The following KLHL13 variants were observed in gnomAD, a reference collection of about 807,000 sequenced individuals.
KLHL13 encodes the protein kelch-like protein 13.
In KLHL13, 10 loss-of-function variants were observed where a neutral mutation model predicts 37.1. That is an observed-to-expected ratio of 0.27 (90% CI 0.17 to 0.46). The LOEUF (loss-of-function observed/expected upper bound fraction) is 0.46. Among genes scored for constraint, KLHL13 ranks in the 20% least tolerant of loss-of-function variants. The pLI is 1.00. For missense variants in KLHL13, 360 were observed against 509.3 expected (o/e 0.71, Z 2.82); for synonymous variants, 163 against 181.2 (o/e 0.90, Z 0.81).
intron 1 of KLHL13, among the ~76,000 whole-genome samples, chrX:117,955,804 G>GTTTATCCCTT (rs1451240698): frequency 9.0e-5 from 10 of 111,292 alleles, no homozygotes; most frequent in Admixed American, 8.6e-4. Flanking sequence ...TAAGACTTCA[G>GTTTATCCCTT]TTTATCCCTT....
chrX:118,036,837 C>T lies in KLHL13; in HGVS notation c.-56+79671G>A, dbSNP rs775063276. ...AAAAATGGGAGAAAATTTTCACAACCTACTCATCTGACAAAGGGCTAATAT... is the reference window on the plus strand; with the variant it reads ...AAAAATGGGAGAAAATTTTCACAACTTACTCATCTGACAAAGGGCTAATAT... On this transcript the variant is annotated intron_variant, in intron 1 of 6. Transcript: ENST00000371882. 4.6e-5 allele frequency among the ~76,000 whole-genome samples: 5 copies of T among 109,514 alleles called. No individual in the cohort carries two copies. The East Asian group carries it at 1.4e-3, about 31-fold the overall frequency.
chrX:117,922,602 G>A (rs896810319), intron 2 of KLHL13, among the ~76,000 whole-genome samples: 1 of 111,656 alleles, frequency 9.0e-6, no homozygotes, highest in Non-Finnish European at 1.9e-5. Context: ...AATAAAATGA[G>A]TTGTGCTTAA....
intron 1 of KLHL13, among the ~76,000 whole-genome samples, chrX:117,984,782 C>G (rs1204793647): frequency 1.8e-5 from 2 of 110,349 alleles, no homozygotes; most frequent in Non-Finnish European, 3.8e-5. Flanking sequence ...TATATTATTT[C>G]TTTGCTTTAA....
At chrX:118,035,252 A>G (rs2054422238) in intron 1 of KLHL13, among the ~76,000 whole-genome samples, 1 of 101,783 alleles carries the variant, frequency 9.8e-6, no homozygotes, top group African/African-American at 4.4e-5. Flanking sequence ...TGAGGCCAGC[A>G]TCATTATGAT....
At chrX:118,101,590 G>A (rs1471870878) in intron 1 of KLHL13, among the ~76,000 whole-genome samples, 1 of 111,567 alleles carries the variant, frequency 9.0e-6, no homozygotes, top group Non-Finnish European at 1.9e-5. Flanking sequence ...GAAACCTCAA[G>A]GACAAAAAGT....
At chrX:117,980,913 G>A (rs761039369) in intron 1 of KLHL13, among the ~76,000 whole-genome samples, 4 of 111,706 alleles carry the variant, frequency 3.6e-5, no homozygotes, top group Non-Finnish European at 5.7e-5. Context: ...ATGTCCTTAT[G>A]GTAATGTTAT....
At chrX:118,059,753 C>CAG (rs2054721554) in intron 1 of KLHL13, among the ~76,000 whole-genome samples, 1 of 111,071 alleles carries the variant, frequency 9.0e-6, no homozygotes, top group African/African-American at 3.3e-5. Context: ...TTCCAAACTC[C>CAG]CTCTCTGGGC....
rs5955998 is a variant in KLHL13, at chrX:118,014,672, C to T, written c.-55-69097G>A. ...CACAGAACCTGACGATATGTGACTT[C>T]GCCTCCAGCGGCCCAGCTATAAAAT... On this transcript the variant is annotated intron_variant, in intron 1 of 6. Coordinates refer to the KLHL13 transcript ENST00000371882. 7.1e-5 allele frequency among the ~76,000 whole-genome samples: 8 copies of T among 112,105 alleles called. No individual in the cohort carries two copies. The East Asian group carries it at 8.4e-4, about 12-fold the overall frequency.
At chrX:117,945,013 A>G (rs2147801006) in intron 2 of KLHL13, among the ~76,000 whole-genome samples, 1 of 112,210 alleles carries the variant, frequency 8.9e-6, no homozygotes. Flanking sequence ...ATAGTAAAAC[A>G]GGCTGTGAAT....
At chrX:118,032,905 T>C (rs1399710991) in intron 1 of KLHL13, among the ~76,000 whole-genome samples, 2 of 111,554 alleles carry the variant, frequency 1.8e-5, no homozygotes, top group Admixed American at 1.9e-4. Flanking sequence ...AAGGAGCTGA[T>C]GGAGCTGAAA....
chrX:118,071,089 T>C, intron 1 of KLHL13, among the ~76,000 whole-genome samples: 1 of 111,877 alleles, frequency 8.9e-6, no homozygotes, highest in Non-Finnish European at 1.9e-5. Context: ...CATGAACTCA[T>C]CATTTTTTAT....
intron 1 of KLHL13, among the ~76,000 whole-genome samples, chrX:117,962,041 AAAT>A (rs778789872): frequency 2.9e-5 from 3 of 102,299 alleles, no homozygotes; most frequent in Non-Finnish European, 2.0e-5. Context: ...TCATCTCTAC[AAAT>A]AATAATAATA....
At chrX:117,995,350 T>C (rs903527735) in intron 1 of KLHL13, among the ~76,000 whole-genome samples, 1 of 112,190 alleles carries the variant, frequency 8.9e-6, no homozygotes, top group African/African-American at 3.2e-5. Context: ...CCCCATAAAA[T>C]GTCACACATA....
At chrX:117,976,540 G>A (rs1335246776), upstream of KLHL13, among the ~76,000 whole-genome samples, 1 of 111,484 alleles carries the variant, frequency 9.0e-6, no homozygotes, top group African/African-American at 3.3e-5. Context: ...GTTCACCTAT[G>A]GAATGAACAA....
At chrX:118,108,230 A>G (rs1569319784) in intron 1 of KLHL13, among the ~76,000 whole-genome samples, 1 of 112,118 alleles carries the variant, frequency 8.9e-6, no homozygotes, top group South Asian at 3.7e-4. Flanking sequence ...TCACCTGTAG[A>G]CGATAAAGAC....
At chrX:118,116,259 G>T (rs1455707994) in intron 1 of KLHL13, among the ~76,000 whole-genome samples, 1 of 112,147 alleles carries the variant, frequency 8.9e-6, no homozygotes, top group East Asian at 2.8e-4. Context: ...TGGGGTCCTA[G>T]AAGAACCCAG....
At chrX:117,953,178 G>A (rs1933721003) in intron 1 of KLHL13, among the ~76,000 whole-genome samples, 1 of 110,545 alleles carries the variant, frequency 9.0e-6, no homozygotes, top group Non-Finnish European at 1.9e-5. Context: ...ATGATAGACT[G>A]GATTAAGAAA....
Position 118,007,575 on chromosome X carries a change from G to A in KLHL13, c.-55-62000C>T, listed in dbSNP as rs186036250. Among the ~76,000 whole-genome samples the A allele has an allele frequency of 1.5e-3, 169 of 111,520 alleles. 2 individuals are homozygous for A. The highest frequency in any genetic ancestry group is 5.3e-3 in the African/African-American group (164 of 30,765). On this transcript the variant is annotated intron_variant, in intron 1 of 6. Coordinates refer to the KLHL13 transcript ENST00000371882. ...TTGGATTCACTCTGCTGCTTCTGTTGTTTGTTTCCCCTAAAACAGACTGCA... is the reference window on the plus strand; with the variant it reads ...TTGGATTCACTCTGCTGCTTCTGTTATTTGTTTCCCCTAAAACAGACTGCA...
intron 1 of KLHL13, among the ~76,000 whole-genome samples, chrX:117,952,153 G>A (rs1933647111): frequency 9.0e-6 from 1 of 111,537 alleles, no homozygotes; most frequent in East Asian, 2.8e-4. Context: ...ATTTCAAACT[G>A]TACTACAAGA....
Sources: allele counts gnomAD v4.1 joint callset (sites outside exome capture counted in the v4.1 genomes callset), GRCh38; gene constraint gnomAD v4.1.1; transcripts MANE v1.5; gene names NCBI Gene and HGNC (gene_info 2026-07-23, HGNC 2026-07-21).